The following SF3B3 variants were observed in gnomAD, a reference collection of about 807,000 sequenced individuals.
SF3B3 encodes splicing factor 3b subunit 3.
A neutral mutation model predicts 139.2 loss-of-function variants in SF3B3; 33 were observed. The ratio of observed to expected loss-of-function variants is 0.24; its 90% confidence interval spans 0.18 to 0.32. The LOEUF (loss-of-function observed/expected upper bound fraction) is 0.32, where lower values mean the gene tolerates loss of function less well. SF3B3 is among the 10% of genes least tolerant of loss of function. The pLI is 1.00. For synonymous variants in SF3B3, 596 were observed against 563.6 expected (o/e 1.06, Z -0.81); for missense variants, 818 against 1,509.4 (o/e 0.54, Z 7.59).
intron 11 of SF3B3, among the ~76,000 whole-genome samples, chr16:70,551,681 A>G (rs946557187): frequency 1.3e-5 from 2 of 152,146 alleles, no homozygotes; most frequent in African/African-American, 2.4e-5. Context: ...CAGCCTGGGC[A>G]ACCAGAGCGA....
Position 70,572,906 on chromosome 16 carries a change from T to C in SF3B3, c.*1093T>C, listed in dbSNP as rs890034583. On this transcript the variant is annotated 3_prime_UTR_variant, in exon 26 of 26. Transcript: ENST00000302516. ...TGTGGGAAGCCCTCGTCTTCCAGGCTGTCCTTGCGCCTTGAACCTGGAGAA... is the reference window on the plus strand; with the variant it reads ...TGTGGGAAGCCCTCGTCTTCCAGGCCGTCCTTGCGCCTTGAACCTGGAGAA... The C allele has an allele frequency of 1.3e-5, 2 of 152,244 alleles. No homozygotes were observed. The highest frequency in any genetic ancestry group is 2.9e-5 in the Non-Finnish European group (2 of 68,052). The allele number at this position is 152,244 out of a possible 1,614,324, so 9.4% of individuals were successfully genotyped here.
At chr16:70,570,687 A>G (rs142242124) in intron 24 of SF3B3, among the ~76,000 whole-genome samples, 46 of 152,276 alleles carry the variant, frequency 3.0e-4, no homozygotes, top group African/African-American at 1.1e-3. Context: ...CGAGTTTACA[A>G]GGTTAGCCTG....
At chr16:70,530,169 AAT>A (rs1491341018) in intron 3 of SF3B3, among the ~76,000 whole-genome samples, 1 of 150,782 alleles carries the variant, frequency 6.6e-6, no homozygotes, top group Non-Finnish European at 1.5e-5. Context: ...TAAATAAATA[AAT>A]AAGAGAGAGA....
At position 70,556,176 on chromosome 16, in the gene SF3B3, T is replaced by C. The variant is rs776310131; in HGVS notation, c.1711-3T>C. The C allele has an allele frequency of 7.4e-6, 12 of 1,614,174 alleles. No individual in the cohort carries two copies. The highest frequency in any genetic ancestry group is 1.0e-5 in the Non-Finnish European group (12 of 1,180,008). The stretch of plus-strand genomic sequence containing the variant: ...TGACCTTGCTGTGTCTTTCCTCCTG[T>C]AGTCAGGACAGCTGAATGAGTACAC... On this transcript the variant is annotated splice_region_variant and splice_polypyrimidine_tract_variant and intron_variant, in intron 13 of 25. Transcript: ENST00000302516.
intron 9 of SF3B3, 116 bp from the exon 10 acceptor site, chr16:70,544,322 T>C: frequency 1.5e-6 from 1 of 662,918 alleles, no homozygotes; most frequent in Non-Finnish European, 2.7e-6. Flanking sequence ...TTTCACATAT[T>C]GATCAGCAGA....
chr16:70,557,537 A>G (rs1270265495), intron 15 of SF3B3, among the ~76,000 whole-genome samples: 3 of 152,224 alleles, frequency 2.0e-5, no homozygotes, highest in African/African-American at 7.2e-5. Context: ...AATCTAGCCC[A>G]GGTACTTTTT....
chr16:70,564,272 TGAGGCAG>T (rs1342394149), intron 18 of SF3B3, among the ~76,000 whole-genome samples: 1 of 152,122 alleles, frequency 6.6e-6, no homozygotes, highest in Non-Finnish European at 1.5e-5. Flanking sequence ...CTTGGGAGGC[TGAGGCAG>T]GAGGATCACT....
At chr16:70,545,423 T>A (rs868165206) in intron 10 of SF3B3, among the ~76,000 whole-genome samples, 39 of 152,202 alleles carry the variant, frequency 2.6e-4, no homozygotes, top group African/African-American at 8.7e-4. Flanking sequence ...TAGATCATAA[T>A]TTATTTAGTG....
At chr16:70,555,501 G>GT (rs2050371986) in intron 13 of SF3B3, among the ~76,000 whole-genome samples, 1 of 122,596 alleles carries the variant, frequency 8.2e-6, no homozygotes, top group Admixed American at 8.4e-5. Flanking sequence ...AAAAAAAAAA[G>GT]CGAGCTGGAG....
Position 70,544,418 on chromosome 16 carries a change from C to CT in SF3B3, c.1234-19dup, listed in dbSNP as rs762641245. 6.6e-7 allele frequency: 1 copy of CT among 1,521,656 alleles called. No individual in the cohort carries two copies. Among genetic ancestry groups the CT allele is most frequent in the Non-Finnish European group, 9.1e-7 (1 of 1,101,492 alleles). 94.3% of individuals were successfully genotyped at this position (1,521,656 alleles called of 1,614,324 possible). On this transcript the variant is annotated intron_variant, in intron 9 of 25. Transcript: ENST00000302516. ...AACAGCACTGGAGACATTTTTTCCTCTAACTTTTTCTCTGTGCAGATAGCT... is the reference window on the plus strand; with the variant it reads ...AACAGCACTGGAGACATTTTTTCCTCTTAACTTTTTCTCTGTGCAGATAGCT...
At chr16:70,540,018 G>C (rs1055074182) in intron 8 of SF3B3, among the ~76,000 whole-genome samples, 1 of 149,274 alleles carries the variant, frequency 6.7e-6, no homozygotes, top group African/African-American at 2.5e-5. Context: ...TCAGGTGATC[G>C]CCTGCCTCGA....
At chr16:70,532,260 C>T (rs145481533) in intron 4 of SF3B3, among the ~76,000 whole-genome samples, 4,647 of 148,968 alleles carry the variant, frequency 0.031, 267 homozygotes, top group African/African-American at 0.11. Flanking sequence ...CCATTGCACT[C>T]CAGCCTGGGC....
chr16:70,555,134 G>A lies in SF3B3; in HGVS notation c.1638G>A (p.Lys546=). The change falls in exon 13 of 26, where the codon AAG becomes AAA. Residue 546 remains lysine (K), a synonymous_variant. Transcript: ENST00000302516. ...CCCCTGGAAAGAAAACAATTGTGAA[G>A]TGTGCAGTGAACCAGCGACAAGTGG... The part of the protein sequence containing the change: ...WKTPGKKTIV[K]CAVNQRQVVI... The A allele has an allele frequency of 3.1e-6, 5 of 1,614,154 alleles. 1 individual carries two copies. The South Asian group carries it at 4.4e-5, about 14-fold the overall frequency.
At chr16:70,537,587 A>C (rs908023200) in intron 6 of SF3B3, among the ~76,000 whole-genome samples, 2 of 152,232 alleles carry the variant, frequency 1.3e-5, no homozygotes. Context: ...GTAAGATTCC[A>C]GCAATTTTAG....
intron 9 of SF3B3, among the ~76,000 whole-genome samples, chr16:70,543,878 G>T (rs1213762115): frequency 6.6e-6 from 1 of 150,550 alleles, no homozygotes; most frequent in East Asian, 1.9e-4. Context: ...TTTGAGACAA[G>T]AGTCTCACTC....
At chr16:70,567,668 A>C (rs2050489817) in intron 21 of SF3B3, 132 bp downstream of exon 21, 2 of 1,121,074 alleles carry the variant, frequency 1.8e-6, no homozygotes, top group Admixed American at 3.1e-5. Context: ...TTCCAGCTTC[A>C]GAATTATGCC....
chr16:70,556,281 C>T lies in SF3B3; in HGVS notation c.1813C>T (p.Leu605=). 1 of 1,614,180 alleles carries T rather than the reference C, an allele frequency of 6.2e-7. No homozygotes were observed. The highest frequency in any genetic ancestry group is 8.5e-7 in the Non-Finnish European group (1 of 1,180,042). Reference sequence around the variant, plus strand: ...CCCTGGAGAGCAGCGGTCTCGCTTCCTGGCTGTGGGGCTTGTGGACAACAC... The same window carrying T: ...CCCTGGAGAGCAGCGGTCTCGCTTCTTGGCTGTGGGGCTTGTGGACAACAC... ...VPPGEQRSRF[L]AVGLVDNTVR... is the part of the protein sequence containing the mutation. The change falls in exon 14 of 26, where the codon CTG becomes TTG. Residue 605 remains leucine, a synonymous_variant. Transcript: ENST00000302516.
At chr16:70,556,571 T>A in intron 14 of SF3B3, 1 of 602,774 alleles carries the variant, frequency 1.7e-6, no homozygotes, top group South Asian at 2.1e-5. Flanking sequence ...CCTCAACTCC[T>A]TTTTTTAAGT....
chr16:70,532,786 AGT>A (rs1322824930), intron 5 of SF3B3, among the ~76,000 whole-genome samples, 166 bp downstream of exon 5: 1 of 152,188 alleles, frequency 6.6e-6, no homozygotes, highest in Non-Finnish European at 1.5e-5. Context: ...GATTTTAAAA[AGT>A]GTTGGGGATA....
Sources: allele counts gnomAD v4.1 joint callset (sites outside exome capture counted in the v4.1 genomes callset), GRCh38; gene constraint gnomAD v4.1.1; transcripts MANE v1.5; gene names NCBI Gene and HGNC (gene_info 2026-07-23, HGNC 2026-07-21).